Variants in ASPHD2 observed in about 807,000 individuals in gnomAD.
ASPHD2 encodes aspartate beta-hydroxylase domain-containing protein 2.
ASPHD2 carries 12 observed loss-of-function variants against 34.6 expected under a neutral mutation model. That is an observed-to-expected ratio of 0.35 (90% confidence interval 0.22 to 0.56). The LOEUF is 0.56. ASPHD2 is among the 20% of genes least tolerant of loss of function. The pLI is 0.87. For synonymous variants in ASPHD2, 224 were observed against 212.2 expected, an observed-to-expected ratio of 1.06 and a Z score of -0.48; for missense variants, 375 against 505.0, an observed-to-expected ratio of 0.74 and a Z score of 2.47.
intron 2 of ASPHD2, among the ~76,000 whole-genome samples, chr22:26,439,355 T>C (rs1188203979): frequency 6.6e-6 from 1 of 152,118 alleles, no homozygotes; most frequent in African/African-American, 2.4e-5. Context: ...GCTGAGATCA[T>C]GGCACTGCAC....
At chr22:26,438,574 T>TATATATACATACATATATATACACAC (rs1568984006) in intron 2 of ASPHD2, among the ~76,000 whole-genome samples, 4 of 72,954 alleles carry the variant, frequency 5.5e-5, no homozygotes, top group East Asian at 5.4e-4. Context: ...TACACATACA[T>TATATATACATACATATATATACACAC]ATATATACAT....
At chr22:26,432,240 G>A (rs778806189) in intron 1 of ASPHD2, among the ~76,000 whole-genome samples, 3 of 152,182 alleles carry the variant, frequency 2.0e-5, no homozygotes, top group Non-Finnish European at 4.4e-5. Flanking sequence ...GCCCAAGGTT[G>A]GGATGAATCC....
rs1317845781 is a variant in ASPHD2, at chr22:26,444,503, G to C, written c.*1297G>C. 1 of 152,228 alleles carries C rather than the reference G, an allele frequency of 6.6e-6. No individual in the cohort carries two copies. Among genetic ancestry groups the C allele is most frequent in the Non-Finnish European group, 1.5e-5 (1 of 68,034 alleles). 9.4% of individuals were successfully genotyped at this position (152,228 alleles called of 1,614,324 possible). A position where few individuals can be genotyped will look rare whatever the true frequency, so the allele number is the denominator to read the frequency against. On this transcript the variant is annotated 3_prime_UTR_variant, in exon 4 of 4. Transcript: ENST00000215906. ...AGACCAGTTTGAGGCACTCACTCTA[G>C]AAATAGCCTGTGTTAGCTGATGTGT...
In ASPHD2 at chr22:26,444,926, CCAA is replaced by C. The variant is rs1177355382; in HGVS notation, c.*1723_*1725del. On this transcript the variant is annotated 3_prime_UTR_variant, in exon 4 of 4. Coordinates refer to ENST00000215906, the MANE Select transcript of ASPHD2 (RefSeq NM_020437.5). ...ACTGCTCTGCTCTGCGTTTACAAAA[CCAA>C]CAGCCCGCGCAGGTACCTAGCTACC... 1 of 152,198 alleles carries C rather than the reference CCAA, an allele frequency of 6.6e-6. No homozygotes were observed. The highest frequency in any genetic ancestry group is 1.5e-5 in the Non-Finnish European group (1 of 68,030). The allele number at this position is 152,198 out of a possible 1,614,324, so 9.4% of individuals were successfully genotyped here.
rs1364226499 is a variant in ASPHD2 at position 26,438,668 on chromosome 22, CAT to C, written c.887-3789_887-3788del. Among the ~76,000 whole-genome samples, 110 of 84,354 alleles carry C rather than the reference CAT, an allele frequency of 1.3e-3. 2 individuals carry two copies. Among genetic ancestry groups the C allele is most frequent in the Middle Eastern group, 0.014 (2 of 142 alleles). The allele number at this position is 84,354 out of a possible 152,430, so 55.3% of individuals were successfully genotyped here. On this transcript the variant is annotated intron_variant, in intron 2 of 3. Coordinates refer to ENST00000215906, the MANE Select transcript of ASPHD2 (RefSeq NM_020437.5). ...ATACACATACATATATATATATACA[CAT>C]ACATACATACACACACACACACACA...
chr22:26,439,691 T>C (rs1400109260), intron 2 of ASPHD2, among the ~76,000 whole-genome samples: 1 of 152,038 alleles, frequency 6.6e-6, no homozygotes, highest in Non-Finnish European at 1.5e-5. Flanking sequence ...AGGATAGAAG[T>C]CCCATAGCAG....
rs944287388 is a variant in ASPHD2, at chr22:26,434,020, G to T, written c.405G>T (p.Lys135Asn). The T allele has an allele frequency of 6.2e-7, 1 of 1,613,498 alleles. No homozygotes were observed. The highest frequency in any genetic ancestry group is 2.2e-5 in the East Asian group (1 of 44,882). Residue 135 changes from lysine (K) to asparagine (N), a missense_variant, in exon 2 of 4, where the codon AAG becomes AAT. Lys to Asn is a moderately conservative substitution (Grantham distance 94). This residue lies in a region of ASPHD2 where 223 missense variants were observed against 257.8 expected (regional missense o/e 0.87). Coordinates refer to ENST00000215906, the MANE Select transcript of ASPHD2 (RefSeq NM_020437.5). Reference sequence around the variant, plus strand: ...ACCACAACCTGCAGGAGTACGCCAAGCGCTACTCCTGGTCCGGCATGGGCC... The same window carrying T: ...ACCACAACCTGCAGGAGTACGCCAATCGCTACTCCTGGTCCGGCATGGGCC... ...KLYHNLQEYA[K>N]RYSWSGMGRI...
intron 1 of ASPHD2, among the ~76,000 whole-genome samples, chr22:26,432,608 G>A (rs2084764338): frequency 6.6e-6 from 1 of 152,218 alleles, no homozygotes; most frequent in Admixed American, 6.5e-5. Context: ...TAGGTAAGTG[G>A]CAAAGCACTT....
chr22:26,434,183 G>A lies in ASPHD2; in HGVS notation c.568G>A (p.Val190Met). 3 of 1,613,508 alleles carry A rather than the reference G, an allele frequency of 1.9e-6. No homozygotes were observed. Among genetic ancestry groups the A allele is most frequent in the Non-Finnish European group, 1.7e-6 (2 of 1,179,764 alleles). Residue 190 changes from valine (V) to methionine (M), a missense_variant, in exon 2 of 4, where the codon GTG becomes ATG. By Grantham distance (21) the Val-to-Met change is conservative. This residue lies in a region of ASPHD2 where 10 missense variants were observed against 29.3 expected (regional missense o/e 0.34). Transcript: ENST00000215906. Reference protein sequence around the residue: ...SRDAQKHDVEVLERNFQTILC... With the variant: ...SRDAQKHDVEMLERNFQTILC... ...GGACGCACAGAAACATGATGTGGAA[G>A]TGCTGGAACGGAACTTCCAGACCAT...
At chr22:26,442,724 C>T (rs952685753) in intron 3 of ASPHD2, 152 bp downstream of exon 3, 14 of 611,168 alleles carry the variant, frequency 2.3e-5, no homozygotes, top group African/African-American at 7.4e-5. Flanking sequence ...AGTATTGATG[C>T]GTTATTATTA....
chr22:26,436,097 G>C (rs2146129370), intron 2 of ASPHD2, among the ~76,000 whole-genome samples: 1 of 152,298 alleles, frequency 6.6e-6, no homozygotes, highest in South Asian at 2.1e-4. Flanking sequence ...ATAAGACATA[G>C]ACCCTGCCCC....
intron 2 of ASPHD2, among the ~76,000 whole-genome samples, chr22:26,438,468 C>CATATATATATAT (rs1462463653): frequency 5.7e-5 from 4 of 69,738 alleles, no homozygotes; most frequent in Non-Finnish European, 1.1e-4. Flanking sequence ...TATACACACA[C>CATATATATATAT]ACATATATAT....
chr22:26,434,604 C>T lies in ASPHD2; in HGVS notation c.886+103C>T, dbSNP rs1261928453. On this transcript the variant is annotated intron_variant, in intron 2 of 3. Transcript: ENST00000215906. ...TCAAATGGTCAGAATTGCGCCTTTT[C>T]GCATTGTTCACTTTTAGCAAAAACT... 1.4e-5 allele frequency: 18 copies of T among 1,325,082 alleles called. No individual in the cohort carries two copies. In the East Asian group the frequency reaches 1.4e-4, roughly 10 times the overall value. 82.1% of individuals were successfully genotyped at this position (1,325,082 alleles called of 1,614,324 possible).
intron 2 of ASPHD2, among the ~76,000 whole-genome samples, chr22:26,438,576 T>TATACATACATATATACACATAC (rs1568984009): frequency 6.9e-5 from 7 of 100,804 alleles, no homozygotes; most frequent in African/African-American, 2.4e-4. Context: ...CACATACATA[T>TATACATACATATATACACATAC]ATATACATAC....
At chr22:26,438,298 A>G (rs1247102216) in intron 2 of ASPHD2, among the ~76,000 whole-genome samples, 1 of 152,080 alleles carries the variant, frequency 6.6e-6, no homozygotes, top group Admixed American at 6.5e-5. Context: ...TGTTAACCAT[A>G]GTGGGAAATC....
Position 26,443,511 on chromosome 22 carries a change from T to C in ASPHD2, c.*305T>C, listed in dbSNP as rs1003916454. On this transcript the variant is annotated 3_prime_UTR_variant, in exon 4 of 4. Coordinates refer to ENST00000215906, the MANE Select transcript of ASPHD2 (RefSeq NM_020437.5). ...TTGAGTGACCAGAGACTTAGTGCCC[T>C]TGTAAGTCTGTCTTCTGTTGCTACT... 2.9e-5 allele frequency: 7 copies of C among 241,346 alleles called. No individual in the cohort carries two copies. Among genetic ancestry groups the C allele is most frequent in the African/African-American group, 1.4e-4 (6 of 43,896 alleles). The allele number at this position is 241,346 out of a possible 1,614,324, so 15.0% of individuals were successfully genotyped here.
Position 26,434,355 on chromosome 22 carries a change from G to A in ASPHD2, c.740G>A (p.Cys247Tyr). 6.2e-7 allele frequency: 1 copy of A among 1,614,228 alleles called. No homozygotes were observed. Among genetic ancestry groups the A allele is most frequent in the Non-Finnish European group, 8.5e-7 (1 of 1,180,036 alleles). Reference protein sequence around the residue: ...GVCVPRNCRKCPRTYRLLGSL... With the variant: ...GVCVPRNCRKYPRTYRLLGSL... The stretch of plus-strand genomic sequence containing the variant: ...TGTGTTCCCAGGAACTGTAGGAAGT[G>A]CCCACGGACGTACCGCTTGCTCGGA... Residue 247 changes from cysteine to tyrosine, a missense_variant, in exon 2 of 4, where the codon TGC (cysteine) becomes TAC (tyrosine). Cys to Tyr is a radical substitution (Grantham distance 194). Transcript: ENST00000215906.
At chr22:26,431,885 C>A (rs2084758695) in intron 1 of ASPHD2, among the ~76,000 whole-genome samples, 1 of 152,214 alleles carries the variant, frequency 6.6e-6, no homozygotes, top group Non-Finnish European at 1.5e-5. Context: ...TGAACACGAA[C>A]CCCATTTCAT....
At chr22:26,435,720 GA>G in intron 2 of ASPHD2, among the ~76,000 whole-genome samples, 1 of 10,812 alleles carries the variant, frequency 9.2e-5, no homozygotes, top group African/African-American at 5.8e-4. Flanking sequence ...TAAAAGAAAA[GA>G]AAAGAAAAGA....
Sources: allele counts gnomAD v4.1 joint callset (sites outside exome capture counted in the v4.1 genomes callset), GRCh38; gene constraint gnomAD v4.1.1; regional missense constraint gnomAD v4.1.1; transcripts MANE v1.5; gene names NCBI Gene and HGNC (gene_info 2026-07-23, HGNC 2026-07-21).